MC2R: variants seen among roughly 807,000 people sequenced by gnomAD.
The protein encoded by MC2R is adrenocorticotropic hormone receptor.
Under a neutral mutation model 9.8 loss-of-function variants are expected in MC2R, and 9 were observed. That is an observed-to-expected ratio of 0.92 (90% confidence interval 0.55 to 1.60). MC2R has a LOEUF of 1.60. Among genes scored for constraint, MC2R ranks in the 40% most tolerant of loss-of-function variants. The probability of loss-of-function intolerance (pLI) is 0.00; values close to 1 mark genes in which losing one functional copy is unlikely to be tolerated. For missense variants in MC2R, 370 were observed against 389.0 expected, an observed-to-expected ratio of 0.95 and a Z score of 0.41; for synonymous variants, 185 against 154.7, an observed-to-expected ratio of 1.20 and a Z score of -1.45.
intron 1 of MC2R, among the ~76,000 whole-genome samples, chr18:13,900,575 T>C (rs2045372879): frequency 6.6e-6 from 1 of 152,010 alleles, no homozygotes; most frequent in Non-Finnish European, 1.5e-5. Context: ...TCCATGCCAA[T>C]GGAAACCAAA....
intron 1 of MC2R, among the ~76,000 whole-genome samples, chr18:13,902,335 G>A (rs1226491505): frequency 2.0e-5 from 3 of 151,926 alleles, no homozygotes; most frequent in Non-Finnish European, 4.4e-5. Context: ...AAAATAGAAA[G>A]AAAATCCTAA....
At chr18:13,888,469 C>T (rs1341061210) in intron 1 of MC2R, among the ~76,000 whole-genome samples, 7 of 152,188 alleles carry the variant, frequency 4.6e-5, no homozygotes, top group Non-Finnish European at 1.0e-4. Context: ...CACTCAACCC[C>T]CAGAGGAAGC....
chr18:13,901,241 G>A (rs930682157), intron 1 of MC2R, among the ~76,000 whole-genome samples: 1 of 151,910 alleles, frequency 6.6e-6, no homozygotes, highest in Non-Finnish European at 1.5e-5. Context: ...TACAGCAAAA[G>A]CACTACTAAG....
chr18:13,887,662 G>A (rs1598460696), intron 1 of MC2R, among the ~76,000 whole-genome samples: 1 of 152,220 alleles, frequency 6.6e-6, no homozygotes, highest in African/African-American at 2.4e-5. Flanking sequence ...TGTCCAATCA[G>A]CAGAAAGCCT....
intron 1 of MC2R, among the ~76,000 whole-genome samples, chr18:13,898,442 G>A (rs969386768): frequency 2.0e-5 from 3 of 152,210 alleles, no homozygotes; most frequent in Non-Finnish European, 4.4e-5. Flanking sequence ...CAGGACCTGG[G>A]GGAACTTCCT....
At chr18:13,892,340 G>A (rs1358871691) in intron 1 of MC2R, among the ~76,000 whole-genome samples, 1 of 151,924 alleles carries the variant, frequency 6.6e-6, no homozygotes. Context: ...AACAGAGGAT[G>A]AAGTATGGTG....
Position 13,885,597 on chromosome 18 carries a change from T to G in MC2R, c.-79A>C, listed in dbSNP as rs1275272584. The G allele has an allele frequency of 2.0e-6, 3 of 1,501,144 alleles. No individual in the cohort carries two copies. The African/African-American group carries it at 4.1e-5, about 21-fold the overall frequency. 93.0% of individuals were successfully genotyped at this position (1,501,144 alleles called of 1,614,324 possible). On this transcript the variant is annotated 5_prime_UTR_variant, in exon 2 of 2. Coordinates refer to ENST00000327606, the MANE Select transcript of MC2R (RefSeq NM_000529.2). ...AACTTGATTGATTCTTCAGGATCTT[T>G]TCTTCCTTGTAGCACTTGCTGGAGA...
chr18:13,893,090 C>G (rs2045326519), intron 1 of MC2R, among the ~76,000 whole-genome samples: 1 of 152,244 alleles, frequency 6.6e-6, no homozygotes, highest in South Asian at 2.1e-4. Flanking sequence ...TTTTCTCCTT[C>G]AGGAGCCCCC....
intron 1 of MC2R, among the ~76,000 whole-genome samples, chr18:13,897,449 G>A (rs2045352931): frequency 6.6e-6 from 1 of 152,124 alleles, no homozygotes; most frequent in Admixed American, 6.5e-5. Flanking sequence ...CACAAGGACT[G>A]TAACTCTTAG....
At position 13,882,291 on chromosome 18, in the gene MC2R, A is replaced by T. The variant is rs145120751; in HGVS notation, c.*2334T>A. 1.3e-5 allele frequency: 2 copies of T among 152,326 alleles called. No individual in the cohort carries two copies. The highest frequency in any genetic ancestry group is 2.4e-5 in the African/African-American group (1 of 41,574). 9.4% of individuals were successfully genotyped at this position (152,326 alleles called of 1,614,324 possible). A position where few individuals can be genotyped will look rare whatever the true frequency, so the allele number is the denominator to read the frequency against. On this transcript the variant is annotated 3_prime_UTR_variant, in exon 2 of 2. Coordinates refer to ENST00000327606, the MANE Select transcript of MC2R (RefSeq NM_000529.2). ...TGGTGGTGCTTTCATTTGGAATTCT[A>T]TATGAAGTTAGAGGTAGAAAAACGT...
intron 1 of MC2R, among the ~76,000 whole-genome samples, chr18:13,908,125 G>T (rs564781449): frequency 6.6e-6 from 1 of 152,128 alleles, no homozygotes; most frequent in Non-Finnish European, 1.5e-5. Context: ...ATATGGACTC[G>T]ACCTAAGTGT....
intron 1 of MC2R, among the ~76,000 whole-genome samples, chr18:13,905,561 A>T (rs1157058259): frequency 6.6e-6 from 1 of 152,136 alleles, no homozygotes; most frequent in African/African-American, 2.4e-5. Context: ...ATCTCATGCC[A>T]GTCAGAATGG....
chr18:13,884,673 C>G lies in MC2R; in HGVS notation c.846G>C (p.Glu282Asp), dbSNP rs937134835. The G allele has an allele frequency of 1.2e-6, 2 of 1,614,028 alleles. No homozygotes were observed. Among genetic ancestry groups the G allele is most frequent in the Admixed American group, 3.3e-5 (2 of 60,030 alleles). ...DPFIYAFRSPELRDAFKKMIF... is the reference protein window; with the variant it reads ...DPFIYAFRSPDLRDAFKKMIF... The stretch of plus-strand genomic sequence containing the variant: ...TCATCTTTTTGAATGCGTCCCTGAG[C>G]TCTGGGCTCCGGAAGGCATATATGA... Residue 282 changes from glutamate (E) to aspartate (D), a missense_variant, in exon 2 of 2, where the codon GAG becomes GAC. Transcript: ENST00000327606.
chr18:13,885,360 C>G lies in MC2R; in HGVS notation c.159G>C (p.Lys53Asn). ...AAAAGTACATGGGTGCCTGGAGATT[C>G]TTATTCTTGAACACAGCCAGCAGGA... ...LIVLLAVFKNKNLQAPMYFFI... is the reference protein window; with the variant it reads ...LIVLLAVFKNNNLQAPMYFFI... Residue 53 changes from lysine (K) to asparagine (N), a missense_variant, in exon 2 of 2, where the codon AAG becomes AAC. Transcript: ENST00000327606. 1 of 1,614,178 alleles carries G rather than the reference C, an allele frequency of 6.2e-7. No homozygotes were observed. The highest frequency in any genetic ancestry group is 8.5e-7 in the Non-Finnish European group (1 of 1,180,038).
intron 1 of MC2R, among the ~76,000 whole-genome samples, chr18:13,895,778 G>A (rs1302413605): frequency 2.0e-5 from 3 of 152,136 alleles, no homozygotes; most frequent in Non-Finnish European, 4.4e-5. Flanking sequence ...AAGTGCAGGG[G>A]ACTAGGAGCT....
At chr18:13,911,544 C>T (rs2149144327) in intron 1 of MC2R, among the ~76,000 whole-genome samples, 1 of 152,326 alleles carries the variant, frequency 6.6e-6, no homozygotes, top group East Asian at 1.9e-4. Context: ...GAAGACTTCT[C>T]TGCCTTACCT....
intron 1 of MC2R, among the ~76,000 whole-genome samples, chr18:13,905,866 G>T (rs1040183043): frequency 1.3e-5 from 2 of 152,214 alleles, no homozygotes; most frequent in East Asian, 1.9e-4. Context: ...GACCATCCTG[G>T]CCAACATGGT....
At chr18:13,909,501 T>C (rs930023751) in intron 1 of MC2R, among the ~76,000 whole-genome samples, 1 of 152,066 alleles carries the variant, frequency 6.6e-6, no homozygotes, top group Admixed American at 6.6e-5. Flanking sequence ...GAGGGTGGAG[T>C]GTCTACATAA....
At chr18:13,910,609 G>C (rs549004204) in intron 1 of MC2R, among the ~76,000 whole-genome samples, 13 of 152,158 alleles carry the variant, frequency 8.5e-5, no homozygotes, top group Non-Finnish European at 1.6e-4. Context: ...GTGCCTGAGG[G>C]GGAGCTTGTA....
Sources: gnomAD v4.1 joint callset for allele counts (sites outside exome capture counted in the v4.1 genomes callset) on GRCh38, gnomAD v4.1.1 for gene constraint, MANE v1.5 for transcripts, NCBI Gene and HGNC (gene_info 2026-07-23, HGNC 2026-07-21) for gene names.